The following LBP variants were observed in gnomAD, a reference collection of about 807,000 sequenced individuals.
The protein encoded by LBP is lipopolysaccharide binding protein.
In LBP, 53 loss-of-function variants were observed where a neutral mutation model predicts 56.6. That is an observed-to-expected ratio of 0.94 (90% confidence interval 0.75 to 1.18). LBP has a LOEUF of 1.18. Among genes scored for constraint, LBP ranks in the 50% most tolerant of loss-of-function variants. The pLI, the probability that LBP is intolerant of heterozygous loss-of-function variation, is 0.00. For synonymous variants in LBP, 227 were observed against 247.5 expected (o/e 0.92, Z 0.78); for missense variants, 601 against 598.3 (o/e 1.00, Z -0.05).
At chr20:38,351,683 C>T (rs1367697999) in intron 3 of LBP, among the ~76,000 whole-genome samples, 2 of 152,118 alleles carry the variant, frequency 1.3e-5, no homozygotes, top group Non-Finnish European at 2.9e-5. Flanking sequence ...GATGGCTGCC[C>T]TTTGGCAATG....
At chr20:38,359,382 A>C (rs1008314952) in intron 5 of LBP, among the ~76,000 whole-genome samples, 1 of 152,050 alleles carries the variant, frequency 6.6e-6, no homozygotes, top group Non-Finnish European at 1.5e-5. Flanking sequence ...GAAGTTCTAG[A>C]CCAGCTTAGC....
intron 5 of LBP, 93 bp downstream of exon 5, chr20:38,355,502 G>T (rs1207409533): frequency 6.0e-6 from 7 of 1,167,940 alleles, no homozygotes; most frequent in Non-Finnish European, 9.0e-6. Flanking sequence ...GGCCATGGGG[G>T]CTGGTTTAGA....
intron 3 of LBP, among the ~76,000 whole-genome samples, chr20:38,353,355 A>G (rs771301055): frequency 1.7e-4 from 26 of 150,800 alleles, no homozygotes; most frequent in Non-Finnish European, 1.0e-4. Context: ...CCAGACAACC[A>G]CCACTGGGGT....
At chr20:38,351,038 G>A (rs562552859) in intron 3 of LBP, 99 bp downstream of exon 3, 151 of 1,479,378 alleles carry the variant, frequency 1.0e-4, no homozygotes, top group African/African-American at 6.8e-4. Flanking sequence ...GAAAGGCCAC[G>A]TGATGGACAG....
At chr20:38,375,448 G>C (rs756384623) in intron 14 of LBP, among the ~76,000 whole-genome samples, 80 of 152,018 alleles carry the variant, frequency 5.3e-4, no homozygotes, top group Non-Finnish European at 5.4e-4. Context: ...GGGCATGGTG[G>C]TGCGCACCTG....
chr20:38,354,383 C>T lies in LBP; in HGVS notation c.468C>T (p.Ala156=). 1 of 1,613,582 alleles carries T rather than the reference C, an allele frequency of 6.2e-7. No homozygotes were observed. The highest frequency in any genetic ancestry group is 1.1e-5 in the South Asian group (1 of 91,064). The change falls in exon 4 of 15, where the codon GCC becomes GCT. Residue 156 remains alanine, a synonymous_variant. Coordinates refer to ENST00000217407, the MANE Select transcript of LBP (RefSeq NM_004139.5). ...SESSGRPTVT[A]SSCSSDIADV... is the part of the protein sequence containing the mutation. ...CCTCCGGGAGGCCCACAGTTACTGC[C>T]TCCAGCTGCAGCAGTGACATCGCTG...
intron 12 of LBP, among the ~76,000 whole-genome samples, chr20:38,372,293 T>A (rs11536988): frequency 0.031 from 4,734 of 152,202 alleles, 106 homozygotes; most frequent in Non-Finnish European, 0.048. Flanking sequence ...TCCCAGACTT[T>A]CCCGAAGCAC....
Position 38,364,720 on chromosome 20 carries a change from G to T in LBP, c.889G>T (p.Gly297Ter). 6.2e-7 allele frequency: 1 copy of T among 1,613,342 alleles called. No homozygotes were observed. Among genetic ancestry groups the T allele is most frequent in the Non-Finnish European group, 8.5e-7 (1 of 1,179,598 alleles). Residue 297 changes from glycine to a stop codon, truncating the protein, a stop_gained, in exon 8 of 15, where the codon GGA (glycine) becomes TGA (stop). Transcript: ENST00000217407. LOFTEE classifies it high-confidence loss of function. The stretch of plus-strand genomic sequence containing the variant: ...GGCCAGCCTGGTTTATCATGAGGAA[G>T]GATATCTGAACTTCTCCATCACAGA... ...NTASLVYHEE[G>*]YLNFSITDDM...
rs765850346 is a variant in LBP, at chr20:38,375,013, T to G, written c.1401+1000T>G. ...GGTTTCACAATGCTGGCCAGGCTGG[T>G]CTCAAACTCCTGGCCTCAAGTGATA... On this transcript the variant is annotated intron_variant, in intron 14 of 14. Coordinates refer to ENST00000217407, the MANE Select transcript of LBP (RefSeq NM_004139.5). Among the ~76,000 whole-genome samples, 56 of 147,572 alleles carry G rather than the reference T, an allele frequency of 3.8e-4. 2 individuals carry two copies. Among genetic ancestry groups the G allele is most frequent in the Non-Finnish European group, 6.8e-4 (46 of 67,254 alleles).
In LBP at chr20:38,350,886, C is replaced by G; in HGVS notation, c.315C>G (p.Ile105Met). 6.2e-7 allele frequency: 1 copy of G among 1,614,096 alleles called. No individual in the cohort carries two copies. ...CTGGCCAGGGCCTGAGTCTCAGCAT[C>G]TCCGACTCCTCCATCCGGGTCCAGG... ...PVPGQGLSLS[I>M]SDSSIRVQGR... The change falls in exon 3 of 15, where the codon ATC (isoleucine) becomes ATG (methionine). Residue 105 changes from isoleucine to methionine, a missense_variant. Ile to Met is a conservative substitution (Grantham distance 10). Coordinates refer to ENST00000217407, the MANE Select transcript of LBP (RefSeq NM_004139.5).
intron 8 of LBP, 146 bp downstream of exon 8, chr20:38,364,898 T>A (rs777420268): frequency 1.3e-6 from 1 of 795,394 alleles, no homozygotes; most frequent in South Asian, 1.8e-5. Context: ...GTTAGCACAA[T>A]CTCCCTTTTT....
chr20:38,359,560 T>C (rs2076852374), intron 5 of LBP, among the ~76,000 whole-genome samples: 2 of 151,860 alleles, frequency 1.3e-5, no homozygotes, highest in African/African-American at 2.4e-5. Flanking sequence ...CTAGCCTAGA[T>C]AACAGAGCAA....
At chr20:38,354,517 G>A (rs1430789953) in intron 4 of LBP, 78 bp downstream of exon 4, 31 of 1,352,676 alleles carry the variant, frequency 2.3e-5, no homozygotes, top group South Asian at 4.3e-5. Flanking sequence ...CCTGGCCTCC[G>A]ATAATTGCAA....
At chr20:38,369,290 C>T (rs2076893446) in intron 10 of LBP, 128 bp downstream of exon 10, 7 of 925,462 alleles carry the variant, frequency 7.6e-6, no homozygotes, top group South Asian at 7.1e-5. Flanking sequence ...TATTACTTCC[C>T]GAGAGAGGGC....
At chr20:38,369,247 C>T in intron 10 of LBP, 85 bp downstream of exon 10, 2 of 1,328,492 alleles carry the variant, frequency 1.5e-6, no homozygotes, top group Non-Finnish European at 2.1e-6. Flanking sequence ...CCCCACTCAC[C>T]ACCTGGGTAA....
chr20:38,367,585 T>C lies in LBP; in HGVS notation c.981+757T>C, dbSNP rs75640389. The stretch of plus-strand genomic sequence containing the variant: ...CTATTCCCTAACCACCCAGTTCCCA[T>C]CTCAAGTTTGCCAATATTACCAGAT... On this transcript the variant is annotated intron_variant, in intron 9 of 14. Transcript: ENST00000217407. 5.3e-3 allele frequency among the ~76,000 whole-genome samples: 800 copies of C among 152,340 alleles called. 6 individuals carry two copies. The highest frequency in any genetic ancestry group is 0.019 in the African/African-American group (781 of 41,564).
At chr20:38,356,613 A>G (rs760522393) in intron 5 of LBP, among the ~76,000 whole-genome samples, 12 of 152,244 alleles carry the variant, frequency 7.9e-5, no homozygotes, top group South Asian at 6.2e-4. Flanking sequence ...AAATATGCCA[A>G]TCTACTCAGG....
intron 9 of LBP, among the ~76,000 whole-genome samples, chr20:38,368,410 G>A (rs1331223914): frequency 6.6e-6 from 1 of 152,136 alleles, no homozygotes; most frequent in East Asian, 1.9e-4. Context: ...GACCAGCCTG[G>A]CCAACATGGT....
In LBP at chr20:38,356,587, A is replaced by C. The variant is rs148541728; in HGVS notation, c.588+1178A>C. Among the ~76,000 whole-genome samples the C allele has an allele frequency of 4.9e-3, 739 of 152,152 alleles. 10 individuals are homozygous for C. The highest frequency in any genetic ancestry group is 0.017 in the African/African-American group (707 of 41,506). On this transcript the variant is annotated intron_variant, in intron 5 of 14. Transcript: ENST00000217407. ...TCTTTTCTGGTTCTGGGTCCCTGGG[A>C]TTAAGTGACCCTGAGAAATATGCCA...
Sources: allele counts gnomAD v4.1 joint callset (sites outside exome capture counted in the v4.1 genomes callset), GRCh38; gene constraint gnomAD v4.1.1; transcripts MANE v1.5; gene names NCBI Gene and HGNC (gene_info 2026-07-23, HGNC 2026-07-21).